The following APOD variants were observed in gnomAD, a reference collection of about 807,000 sequenced individuals.
APOD encodes apo-D.
APOD carries 22 observed loss-of-function variants against 20.4 expected under a neutral mutation model. The observed-to-expected ratio is 1.08, with a 90% CI of 0.77 to 1.54. APOD has a LOEUF of 1.54. APOD is among the 40% of genes most tolerant of loss of function. The pLI, the probability that APOD is intolerant of heterozygous loss-of-function variation, is 0.00. For missense variants in APOD, 223 were observed against 229.6 expected (o/e 0.97, Z 0.19); for synonymous variants, 97 against 92.4 (o/e 1.05, Z -0.29).
chr3:195,577,015 T>A (rs769587993), intron 2 of APOD: 2 of 209,110 alleles, frequency 9.6e-6, no homozygotes, highest in Non-Finnish European at 2.0e-5. Flanking sequence ...TGAAACCCCG[T>A]CTTTACTAAA....
intron 4 of APOD, 55 bp from the exon 5 acceptor site, chr3:195,569,190 G>A (rs972732480): frequency 1.3e-6 from 2 of 1,498,580 alleles, no homozygotes; most frequent in Non-Finnish European, 1.9e-6. Flanking sequence ...AGAAATCTCA[G>A]GACAACACAA....
rs572152869 is a variant in APOD at position 195,579,327 on chromosome 3, T to C, written c.123+12A>G. On this transcript the variant is annotated intron_variant, in intron 2 of 4. Transcript: ENST00000343267. ...CGGAGGCAGCAAAACAAACGGGAGG[T>C]TCGCCTTTTACCTTATTCACGTCAA... The C allele has an allele frequency of 1.7e-5, 28 of 1,613,704 alleles. No individual in the cohort carries two copies. In the African/African-American group the frequency reaches 2.0e-4, roughly 12 times the overall value.
At chr3:195,573,282 T>G (rs1720196424) in intron 3 of APOD, among the ~76,000 whole-genome samples, 1 of 152,226 alleles carries the variant, frequency 6.6e-6, no homozygotes, top group Non-Finnish European at 1.5e-5. Flanking sequence ...AGTTTATAGT[T>G]GCTTTCCAAA....
intron 2 of APOD, chr3:195,577,140 T>C (rs2108970031): frequency 2.9e-6 from 1 of 349,100 alleles, no homozygotes; most frequent in East Asian, 1.2e-4. Flanking sequence ...TGAGCCAAGA[T>C]GGTGATGCTG....
intron 2 of APOD, among the ~76,000 whole-genome samples, 162 bp downstream of exon 2, chr3:195,579,177 A>C (rs183848580): frequency 8.5e-5 from 13 of 152,256 alleles, no homozygotes; most frequent in Admixed American, 8.5e-4. Context: ...CTCTGCCTGC[A>C]GTCTTTATCT....
intron 1 of APOD, among the ~76,000 whole-genome samples, chr3:195,581,991 A>G (rs1414400026): frequency 6.6e-6 from 1 of 152,184 alleles, no homozygotes; most frequent in Non-Finnish European, 1.5e-5. Context: ...CAACATGGAG[A>G]AACCCTATCT....
In APOD at chr3:195,579,451, A is replaced by G. The variant is rs747712978; in HGVS notation, c.11T>C (p.Leu4Pro). 16 of 1,613,488 alleles carry G rather than the reference A, an allele frequency of 9.9e-6. No homozygotes were observed. The highest frequency in any genetic ancestry group is 3.3e-5 in the Admixed American group (2 of 60,032). MVM[L>P]LLLLSALAGL... ...AGCCAGTGCGGAAAGCAGCAGCAGC[A>G]GCATCACCATCTTGGGGCTGGGTGG... Residue 4 changes from leucine to proline, a missense_variant, in exon 2 of 5, where the codon CTG (leucine) becomes CCG (proline). Transcript: ENST00000343267.
intron 2 of APOD, among the ~76,000 whole-genome samples, chr3:195,575,910 G>A (rs1056698258): frequency 2.0e-5 from 3 of 152,190 alleles, no homozygotes; most frequent in Non-Finnish European, 4.4e-5. Flanking sequence ...ACAGGCGTGA[G>A]CCACCGCGCC....
intron 1 of APOD, among the ~76,000 whole-genome samples, chr3:195,581,768 T>C (rs1720342463): frequency 6.6e-6 from 1 of 152,250 alleles, no homozygotes; most frequent in African/African-American, 2.4e-5. Flanking sequence ...AAATGCTCTC[T>C]TGTGAGCTGA....
chr3:195,572,349 G>T (rs994963937), intron 3 of APOD, among the ~76,000 whole-genome samples: 1 of 152,190 alleles, frequency 6.6e-6, no homozygotes, highest in African/African-American at 2.4e-5. Context: ...GTGATTCTCA[G>T]GTATGCCCAG....
intron 2 of APOD, among the ~76,000 whole-genome samples, chr3:195,575,711 T>A (rs1477258587): frequency 6.6e-6 from 1 of 152,190 alleles, no homozygotes; most frequent in African/African-American, 2.4e-5. Context: ...CACTGCAACC[T>A]CTGCCTCCCG....
Position 195,579,387 on chromosome 3 carries a change from A to G in APOD, c.75T>C (p.Leu25=), listed in dbSNP as rs151068042. The G allele has an allele frequency of 1.8e-3, 2,942 of 1,614,104 alleles. 4 individuals are homozygous for G. The highest frequency in any genetic ancestry group is 2.2e-3 in the Non-Finnish European group (2,629 of 1,180,048). ...FGAAEGQAFH[L]GKCPNPPVQE... ...GCACCGGAGGATTGGGGCACTTCCC[A>G]AGATGAAATGCTTGTCCCTCTGCCG... The change falls in exon 2 of 5, where the codon CTT becomes CTC. Residue 25 remains leucine, a synonymous_variant. Coordinates refer to ENST00000343267, the MANE Select transcript of APOD (RefSeq NM_001647.4).
In APOD at chr3:195,572,453, G is replaced by A. The variant is rs186037658; in HGVS notation, c.246-1088C>T. On this transcript the variant is annotated intron_variant, in intron 3 of 4. Coordinates refer to ENST00000343267, the MANE Select transcript of APOD (RefSeq NM_001647.4). ...CATTCCTTTCTTAGTGGCATATAAC[G>A]CAGTGGTGTGTCTTAAAAGCTGGGG... Among the ~76,000 whole-genome samples the A allele has an allele frequency of 2.1e-3, 325 of 152,294 alleles. 2 individuals carry two copies. The highest frequency in any genetic ancestry group is 3.5e-3 in the Non-Finnish European group (240 of 68,020).
intron 2 of APOD, among the ~76,000 whole-genome samples, chr3:195,575,788 C>T (rs935812607): frequency 5.9e-5 from 9 of 151,948 alleles, no homozygotes; most frequent in African/African-American, 7.3e-5. Flanking sequence ...CCACCATGCC[C>T]GGCTAATTTT....
chr3:195,571,042 G>A (rs1720149402), intron 4 of APOD: 2 of 555,478 alleles, frequency 3.6e-6, no homozygotes, highest in South Asian at 4.5e-5. Context: ...AAATTGCGGG[G>A]TCACGTGTCA....
intron 2 of APOD, 76 bp downstream of exon 2, chr3:195,579,263 G>A: frequency 1.3e-6 from 2 of 1,583,102 alleles, no homozygotes; most frequent in Non-Finnish European, 1.7e-6. Flanking sequence ...AATTAAAGCA[G>A]CATAATTACA....
Position 195,579,330 on chromosome 3 carries a change from G to C in APOD, c.123+9C>G. 6.2e-7 allele frequency: 1 copy of C among 1,614,104 alleles called. No homozygotes were observed. Among genetic ancestry groups the C allele is most frequent in the Non-Finnish European group, 8.5e-7 (1 of 1,179,980 alleles). The stretch of plus-strand genomic sequence containing the variant: ...AGGCAGCAAAACAAACGGGAGGTTC[G>C]CCTTTTACCTTATTCACGTCAAAAT... On this transcript the variant is annotated intron_variant, in intron 2 of 4. Transcript: ENST00000343267.
intron 3 of APOD, among the ~76,000 whole-genome samples, chr3:195,572,891 C>T (rs1438539322): frequency 6.6e-6 from 1 of 152,046 alleles, no homozygotes; most frequent in East Asian, 1.9e-4. Context: ...TAGGTTAATG[C>T]TATGGTTAGT....
chr3:195,577,587 A>G (rs1720268072), intron 2 of APOD, among the ~76,000 whole-genome samples: 1 of 152,248 alleles, frequency 6.6e-6, no homozygotes, highest in Admixed American at 6.5e-5. Flanking sequence ...TTTGATTACT[A>G]CAAAGCTATA....
Sources: allele counts gnomAD v4.1 joint callset (sites outside exome capture counted in the v4.1 genomes callset), GRCh38; gene constraint gnomAD v4.1.1; transcripts MANE v1.5; gene names NCBI Gene and HGNC (gene_info 2026-07-23, HGNC 2026-07-21).